Variants in UBE2R2 observed in about 807,000 individuals in gnomAD.
UBE2R2 encodes ubiquitin-conjugating enzyme E2 R2.
In UBE2R2, 1 loss-of-function variant was observed where a neutral mutation model predicts 27.8. That is an observed-to-expected ratio of 0.04 (90% CI 0.01 to 0.17). The LOEUF (loss-of-function observed/expected upper bound fraction) is 0.17. Among genes scored for constraint, UBE2R2 ranks in the 10% least tolerant of loss-of-function variants. The probability of loss-of-function intolerance (pLI) is 1.00; values close to 1 mark genes in which losing one functional copy is unlikely to be tolerated. For synonymous variants in UBE2R2, 106 were observed against 113.3 expected (o/e 0.94, Z 0.41); for missense variants, 100 against 291.0 (o/e 0.34, Z 4.78).
intron 1 of UBE2R2, among the ~76,000 whole-genome samples, chr9:33,837,462 G>T (rs1487410485): frequency 1.4e-5 from 2 of 138,438 alleles, no homozygotes; most frequent in African/African-American, 5.5e-5. Context: ...CTCTTGCTCT[G>T]CTGCCTAAGC....
At chr9:33,830,774 A>C (rs1820455360) in intron 1 of UBE2R2, among the ~76,000 whole-genome samples, 1 of 151,194 alleles carries the variant, frequency 6.6e-6, no homozygotes, top group Non-Finnish European at 1.5e-5. Context: ...CTCAAAGGAA[A>C]AAAAAAAAAA....
intron 1 of UBE2R2, among the ~76,000 whole-genome samples, chr9:33,869,908 G>A (rs1029657787): frequency 1.1e-4 from 16 of 151,644 alleles, no homozygotes; most frequent in Admixed American, 7.2e-4. Context: ...GTGCAATGGC[G>A]CGATCTCGGC....
chr9:33,839,216 C>T (rs572521953), intron 1 of UBE2R2, among the ~76,000 whole-genome samples: 2 of 152,120 alleles, frequency 1.3e-5, no homozygotes, highest in South Asian at 2.1e-4. Flanking sequence ...GCTCTGGCTT[C>T]ATGAATGAAA....
At chr9:33,890,921 G>C (rs1376686732) in intron 2 of UBE2R2, among the ~76,000 whole-genome samples, 1 of 152,110 alleles carries the variant, frequency 6.6e-6, no homozygotes, top group African/African-American at 2.4e-5. Flanking sequence ...AACCTTCATA[G>C]CAGTATGGAA....
intron 1 of UBE2R2, among the ~76,000 whole-genome samples, chr9:33,860,991 C>T (rs1352129803): frequency 1.3e-5 from 2 of 148,886 alleles, no homozygotes; most frequent in Non-Finnish European, 3.0e-5. Context: ...CGGAGTCTCG[C>T]TCTGTCCCCC....
intron 1 of UBE2R2, among the ~76,000 whole-genome samples, chr9:33,837,160 A>G (rs568481815): frequency 6.6e-6 from 1 of 152,234 alleles, no homozygotes; most frequent in South Asian, 2.1e-4. Flanking sequence ...AGCACCCATT[A>G]TCTGGATATA....
At chr9:33,827,688 A>G (rs1010001326) in intron 1 of UBE2R2, among the ~76,000 whole-genome samples, 3 of 151,962 alleles carry the variant, frequency 2.0e-5, no homozygotes, top group Admixed American at 2.0e-4. Context: ...AAATTAAATC[A>G]GGCTCGGCGT....
At chr9:33,846,042 C>G (rs542592142) in intron 1 of UBE2R2, among the ~76,000 whole-genome samples, 1 of 151,074 alleles carries the variant, frequency 6.6e-6, no homozygotes. Context: ...AGGAAAATGG[C>G]GTGAACTCGG....
chr9:33,834,696 A>G (rs1046973803), intron 1 of UBE2R2, among the ~76,000 whole-genome samples: 1 of 151,898 alleles, frequency 6.6e-6, no homozygotes, highest in Admixed American at 6.6e-5. Flanking sequence ...GGATCACCTG[A>G]GGTCAGGAGT....
intron 3 of UBE2R2, among the ~76,000 whole-genome samples, chr9:33,900,915 C>CTCTCTG (rs1450992086): frequency 6.6e-6 from 1 of 152,052 alleles, no homozygotes; most frequent in African/African-American, 2.4e-5. Flanking sequence ...ACTCCTCTCT[C>CTCTCTG]TCTCTGTCTC....
intron 2 of UBE2R2, among the ~76,000 whole-genome samples, chr9:33,891,650 A>AAAAT (rs534978346): frequency 2.0e-5 from 3 of 152,086 alleles, no homozygotes; most frequent in Non-Finnish European, 2.9e-5. Flanking sequence ...CCTGTCTCAA[A>AAAAT]AAATAAATAA....
intron 1 of UBE2R2, among the ~76,000 whole-genome samples, chr9:33,847,747 ATTT>A (rs367991925): frequency 1.3e-4 from 14 of 105,010 alleles, no homozygotes; most frequent in Non-Finnish European, 1.9e-4. Flanking sequence ...TTGACCTGAA[ATTT>A]TTTTTTTTTT....
upstream of UBE2R2, among the ~76,000 whole-genome samples, chr9:33,816,352 C>G (rs907180915): frequency 6.6e-6 from 1 of 152,132 alleles, no homozygotes; most frequent in East Asian, 1.9e-4. Context: ...GGTGGACATT[C>G]AAGCCACAAG....
intron 1 of UBE2R2, among the ~76,000 whole-genome samples, chr9:33,837,702 G>A (rs75010077): frequency 6.8e-4 from 103 of 152,144 alleles, no homozygotes; most frequent in African/African-American, 2.5e-3. Context: ...TAGGATTACA[G>A]AGCCACCACA....
chr9:33,896,253 A>G (rs2130805182), intron 2 of UBE2R2, among the ~76,000 whole-genome samples: 1 of 152,064 alleles, frequency 6.6e-6, no homozygotes. Context: ...GTGTATAAAG[A>G]TGCTTTTCTC....
At chr9:33,868,945 T>A (rs763674015) in intron 1 of UBE2R2, among the ~76,000 whole-genome samples, 6 of 152,202 alleles carry the variant, frequency 3.9e-5, no homozygotes, top group Non-Finnish European at 8.8e-5. Context: ...GTAGCAGGAA[T>A]AATTGGGATA....
chr9:33,835,025 T>G (rs1820585667), intron 1 of UBE2R2, among the ~76,000 whole-genome samples: 1 of 152,118 alleles, frequency 6.6e-6, no homozygotes, highest in Admixed American at 6.6e-5. Context: ...TTCCTTTTTG[T>G]CCTTCCAGAT....
chr9:33,827,459 G>A (rs151026092), intron 1 of UBE2R2, among the ~76,000 whole-genome samples: 2 of 152,256 alleles, frequency 1.3e-5, no homozygotes, highest in African/African-American at 4.8e-5. Context: ...TGGTCAACAT[G>A]GCGAAACGCT....
intron 1 of UBE2R2, among the ~76,000 whole-genome samples, chr9:33,855,980 C>T (rs1821091911): frequency 6.6e-6 from 1 of 152,116 alleles, no homozygotes; most frequent in East Asian, 1.9e-4. Flanking sequence ...ATTGCTTGAG[C>T]CTGGGAGGTT....
Sources: allele counts gnomAD v4.1 joint callset (sites outside exome capture counted in the v4.1 genomes callset), GRCh38; gene constraint gnomAD v4.1.1; transcripts MANE v1.5; gene names NCBI Gene and HGNC (gene_info 2026-07-23, HGNC 2026-07-21).